BMPR1B: variants seen among roughly 807,000 people sequenced by gnomAD.
BMPR1B encodes the protein bone morphogenetic protein receptor type 1B.
In BMPR1B, 12 loss-of-function variants were observed where a neutral mutation model predicts 59.1. The observed-to-expected ratio is 0.20, with a 90% confidence interval of 0.13 to 0.33. The LOEUF (loss-of-function observed/expected upper bound fraction) is 0.33, where lower values mean the gene tolerates loss of function less well. Among genes scored for constraint, BMPR1B ranks in the 10% least tolerant of loss-of-function variants. The probability of loss-of-function intolerance (pLI) is 1.00; values close to 1 mark genes in which losing one functional copy is unlikely to be tolerated. For missense variants in BMPR1B, 550 were observed against 610.9 expected (o/e 0.90, Z 1.05); for synonymous variants, 237 against 207.3 (o/e 1.14, Z -1.23).
Position 95,061,181 on chromosome 4 carries a change from A to T in BMPR1B, c.-17-43227A>T, listed in dbSNP as rs926565296. 9.5e-5 allele frequency among the ~76,000 whole-genome samples: 8 copies of T among 84,352 alleles called. No homozygotes were observed. In the Admixed American group the frequency reaches 9.9e-4, roughly 10 times the overall value. 55.3% of individuals were successfully genotyped at this position (84,352 alleles called of 152,430 possible). On this transcript the variant is annotated intron_variant, in intron 3 of 12. Transcript: ENST00000515059. ...AATAAACACACACACACACACACAC[A>T]CACACACACACACACACACACACAC...
chr4:94,790,950 A>G (rs1029206314), intron 1 of BMPR1B, among the ~76,000 whole-genome samples: 3 of 152,144 alleles, frequency 2.0e-5, no homozygotes, highest in Non-Finnish European at 4.4e-5. Flanking sequence ...GAAGTTGTCA[A>G]GAATAAATTT....
chr4:94,791,575 C>T (rs1454287339), intron 1 of BMPR1B, among the ~76,000 whole-genome samples: 2 of 152,044 alleles, frequency 1.3e-5, no homozygotes, highest in Non-Finnish European at 2.9e-5. Flanking sequence ...ATTTACTTGA[C>T]TATTTTTTAA....
chr4:94,882,260 CTT>C (rs1306524248), intron 2 of BMPR1B, among the ~76,000 whole-genome samples: 1 of 152,178 alleles, frequency 6.6e-6, no homozygotes, highest in East Asian at 1.9e-4. Context: ...ACATGATAGT[CTT>C]TTGTGTTTTT....
chr4:95,000,164 C>T (rs916319493), intron 3 of BMPR1B, among the ~76,000 whole-genome samples: 1 of 151,980 alleles, frequency 6.6e-6, no homozygotes, highest in African/African-American at 2.4e-5. Flanking sequence ...TGTGCTCTAC[C>T]AGCAGTTTCC....
intron 1 of BMPR1B, among the ~76,000 whole-genome samples, chr4:94,816,223 T>A (rs1471755155): frequency 6.6e-6 from 1 of 152,232 alleles, no homozygotes; most frequent in East Asian, 1.9e-4. Flanking sequence ...CTCAGCTGAC[T>A]GCAACCTCTG....
intron 3 of BMPR1B, among the ~76,000 whole-genome samples, chr4:95,030,966 A>G (rs1724799682): frequency 6.6e-6 from 1 of 152,034 alleles, no homozygotes; most frequent in Non-Finnish European, 1.5e-5. Context: ...TATAGATTCA[A>G]TGCCATCCCC....
At chr4:95,066,286 C>T (rs1727793908) in intron 3 of BMPR1B, among the ~76,000 whole-genome samples, 1 of 152,204 alleles carries the variant, frequency 6.6e-6, no homozygotes, top group African/African-American at 2.4e-5. Flanking sequence ...CTGACAAGCC[C>T]TTCTCAGATA....
At chr4:94,881,714 C>G (rs1726981028) in intron 2 of BMPR1B, among the ~76,000 whole-genome samples, 1 of 152,156 alleles carries the variant, frequency 6.6e-6, no homozygotes, top group African/African-American at 2.4e-5. Flanking sequence ...ATTCTCCCGC[C>G]TTGGTCTCTC....
In BMPR1B at chr4:94,952,981, T is replaced by G. The variant is rs185113012; in HGVS notation, c.-112-43059T>G. On this transcript the variant is annotated intron_variant, in intron 2 of 12. Transcript: ENST00000515059. ...ATATATATTTAAGATAGTTAGCGCT[T>G]CTTGTTGCATTGATCCCTTTACCAT... is the stretch of plus-strand genomic sequence containing the variant. Among the ~76,000 whole-genome samples the G allele has an allele frequency of 1.3e-3, 202 of 152,326 alleles. 2 individuals carry two copies. The highest frequency in any genetic ancestry group is 4.7e-3 in the African/African-American group (196 of 41,570).
At chr4:95,043,092 G>A (rs1185224984) in intron 3 of BMPR1B, among the ~76,000 whole-genome samples, 5 of 145,682 alleles carry the variant, frequency 3.4e-5, no homozygotes, top group Non-Finnish European at 6.0e-5. Context: ...GGAGAATGGC[G>A]TGAACCCGGG....
chr4:95,089,765 GTCT>G (rs1027091384), intron 3 of BMPR1B, among the ~76,000 whole-genome samples: 5 of 152,048 alleles, frequency 3.3e-5, no homozygotes, highest in Admixed American at 6.6e-5. Context: ...TCCTTTGGCA[GTCT>G]TCTTCCTACA....
At chr4:94,778,510 G>T (rs926471306) in intron 1 of BMPR1B, among the ~76,000 whole-genome samples, 1 of 151,956 alleles carries the variant, frequency 6.6e-6, no homozygotes, top group Non-Finnish European at 1.5e-5. Flanking sequence ...CTATATATTT[G>T]CTATTATAAA....
At chr4:95,009,477 T>C (rs1723076142) in intron 3 of BMPR1B, among the ~76,000 whole-genome samples, 2 of 152,156 alleles carry the variant, frequency 1.3e-5, no homozygotes, top group African/African-American at 4.8e-5. Flanking sequence ...TTCATGAGCC[T>C]GCAGAATCCC....
intron 1 of BMPR1B, among the ~76,000 whole-genome samples, chr4:94,869,722 AT>A (rs1327454149): frequency 2.0e-5 from 3 of 152,310 alleles, no homozygotes; most frequent in African/African-American, 7.2e-5. Context: ...AATCTGTAAC[AT>A]TTTAATTTGT....
intron 3 of BMPR1B, among the ~76,000 whole-genome samples, chr4:95,019,122 A>G (rs1243038282): frequency 6.6e-6 from 1 of 152,152 alleles, no homozygotes; most frequent in Admixed American, 6.6e-5. Flanking sequence ...TTACCACTGT[A>G]GTTGTAGTAA....
intron 1 of BMPR1B, among the ~76,000 whole-genome samples, chr4:94,832,269 A>C (rs562609956): frequency 1.3e-5 from 2 of 152,240 alleles, no homozygotes; most frequent in South Asian, 4.1e-4. Context: ...TATACCATTT[A>C]AGTTTGTGTA....
chr4:94,854,952 A>G (rs939785346), intron 1 of BMPR1B, among the ~76,000 whole-genome samples: 6 of 152,190 alleles, frequency 3.9e-5, no homozygotes, highest in Non-Finnish European at 8.8e-5. Flanking sequence ...CTTATACTGA[A>G]ATATAATCAA....
At chr4:95,083,860 A>G (rs967043940) in intron 3 of BMPR1B, among the ~76,000 whole-genome samples, 6 of 152,206 alleles carry the variant, frequency 3.9e-5, no homozygotes, top group South Asian at 2.1e-4. Context: ...ATGGTGCAGT[A>G]TTAAACTATA....
intron 3 of BMPR1B, among the ~76,000 whole-genome samples, chr4:95,007,153 T>C (rs909314567): frequency 6.6e-6 from 1 of 152,194 alleles, no homozygotes; most frequent in African/African-American, 2.4e-5. Flanking sequence ...ACAATACTTA[T>C]GAAAACATGT....
Sources: gnomAD v4.1 joint callset for allele counts (sites outside exome capture counted in the v4.1 genomes callset) on GRCh38, gnomAD v4.1.1 for gene constraint, MANE v1.5 for transcripts, NCBI Gene and HGNC (gene_info 2026-07-23, HGNC 2026-07-21) for gene names.